Variants in PCSK2 observed in about 807,000 individuals in gnomAD.
PCSK2 encodes neuroendocrine convertase 2.
In PCSK2, 14 loss-of-function variants were observed where a neutral mutation model predicts 69.7. The observed-to-expected ratio is 0.20, with a 90% CI of 0.13 to 0.31. The LOEUF is 0.31. Ranked by LOEUF, PCSK2 falls within the 10% of genes least tolerant of loss-of-function variation. The pLI is 1.00. For missense variants in PCSK2, 544 were observed against 842.5 expected, an observed-to-expected ratio of 0.65 and a Z score of 4.39; for synonymous variants, 307 against 320.7, an observed-to-expected ratio of 0.96 and a Z score of 0.46.
rs747404201 is a variant in PCSK2, at chr20:17,227,385, G to C, written c.80G>C (p.Arg27Pro). ...GTCATGGTTTTTGCATCTGCTGAGC[G>C]ACCGGTCTTCACGAATCATTTTCTT... ...FCVMVFASAE[R>P]PVFTNHFLVE... Residue 27 changes from arginine to proline, a missense_variant, in exon 1 of 12, where the codon CGA (arginine) becomes CCA (proline). By Grantham distance (103) the Arg-to-Pro change is moderately radical (BLOSUM62 -2). This residue lies in a region of PCSK2 where 157 missense variants were observed against 155.0 expected (regional missense o/e 1.01). Transcript: ENST00000262545. 3.3e-5 allele frequency: 53 copies of C among 1,613,754 alleles called. No homozygotes were observed. The Admixed American group carries it at 8.7e-4, about 26-fold the overall frequency.
At chr20:17,429,559 G>T in intron 7 of PCSK2, 36 bp downstream of exon 7, 1 of 1,348,642 alleles carries the variant, frequency 7.4e-7, no homozygotes, top group Non-Finnish European at 1.1e-6. Context: ...CCCCCACTAG[G>T]TATCACACTG....
intron 2 of PCSK2, among the ~76,000 whole-genome samples, chr20:17,347,239 C>T (rs967867540): frequency 2.0e-5 from 3 of 152,180 alleles, no homozygotes; most frequent in Non-Finnish European, 4.4e-5. Context: ...ATATCTCCTG[C>T]TCAAGGAAGC....
intron 10 of PCSK2, among the ~76,000 whole-genome samples, chr20:17,458,575 G>GAT (rs1321243555): frequency 6.6e-6 from 1 of 152,172 alleles, no homozygotes; most frequent in Non-Finnish European, 1.5e-5. Context: ...GAGGGATGAG[G>GAT]AATAGGGCCT....
At chr20:17,411,488 T>A (rs2123306973) in intron 6 of PCSK2, among the ~76,000 whole-genome samples, 1 of 151,456 alleles carries the variant, frequency 6.6e-6, no homozygotes. Context: ...GGCTGAGACT[T>A]GAGTAGGTAA....
intron 1 of PCSK2, among the ~76,000 whole-genome samples, chr20:17,238,731 T>C (rs546358407): frequency 6.6e-6 from 1 of 152,248 alleles, no homozygotes; most frequent in African/African-American, 2.4e-5. Context: ...TTTTGGTTTG[T>C]TTTTTTACCA....
At chr20:17,358,528 T>C in intron 3 of PCSK2, 88 bp downstream of exon 3, 1 of 763,588 alleles carries the variant, frequency 1.3e-6, no homozygotes. Context: ...TTCACTAGGA[T>C]GTTAGCCAGT....
At chr20:17,253,981 C>T (rs1987086667) in intron 1 of PCSK2, among the ~76,000 whole-genome samples, 1 of 152,158 alleles carries the variant, frequency 6.6e-6, no homozygotes, top group Non-Finnish European at 1.5e-5. Context: ...TGTTGAACAT[C>T]TTTCTGTATG....
intron 1 of PCSK2, among the ~76,000 whole-genome samples, chr20:17,259,505 A>T (rs1987298927): frequency 1.3e-5 from 2 of 152,074 alleles, no homozygotes; most frequent in Admixed American, 6.6e-5. Flanking sequence ...AGGCCTCCAA[A>T]CTCCCAGGTC....
chr20:17,308,299 G>C (rs1338376522), intron 2 of PCSK2, among the ~76,000 whole-genome samples: 1 of 152,162 alleles, frequency 6.6e-6, no homozygotes, highest in East Asian at 1.9e-4. Flanking sequence ...ATGAGATTTT[G>C]GTGGCGAAAC....
chr20:17,444,676 T>C (rs1259348151), intron 8 of PCSK2, among the ~76,000 whole-genome samples: 1 of 152,140 alleles, frequency 6.6e-6, no homozygotes, highest in Non-Finnish European at 1.5e-5. Context: ...AGAATACCAG[T>C]GATGAATGGG....
intron 2 of PCSK2, among the ~76,000 whole-genome samples, chr20:17,307,981 A>C (rs1989379691): frequency 1.3e-5 from 2 of 152,210 alleles, no homozygotes; most frequent in Non-Finnish European, 1.5e-5. Context: ...GAGAGCAGGC[A>C]TCTTCCATGG....
chr20:17,239,533 C>G lies in PCSK2; in HGVS notation c.177+12051C>G, dbSNP rs567196448. ...ATTAACCCAAATTTGGACCCAGCAG[C>G]CGAAGCCAGAAACAAACCATTCTGG... On this transcript the variant is annotated intron_variant, in intron 1 of 11. Coordinates refer to ENST00000262545, the MANE Select transcript of PCSK2 (RefSeq NM_002594.5). Among the ~76,000 whole-genome samples, 4 of 152,142 alleles carry G rather than the reference C, an allele frequency of 2.6e-5. No individual in the cohort carries two copies. In the South Asian group the frequency reaches 8.3e-4, roughly 32 times the overall value.
chr20:17,453,910 G>A lies in PCSK2; in HGVS notation c.1054G>A (p.Ala352Thr). 1 of 1,614,202 alleles carries A rather than the reference G, an allele frequency of 6.2e-7. No homozygotes were observed. The highest frequency in any genetic ancestry group is 8.5e-7 in the Non-Finnish European group (1 of 1,180,014). The change falls in exon 9 of 12, where the codon GCT (alanine) becomes ACT (threonine). Residue 352 changes from alanine to threonine, a missense_variant. Ala to Thr is a moderately conservative substitution (Grantham distance 58, BLOSUM62 0). Coordinates refer to ENST00000262545, the MANE Select transcript of PCSK2 (RefSeq NM_002594.5). The surrounding 1 kb of genome is among the most constrained non-coding windows in gnomAD (Gnocchi z 4.0). ...CGACGAGAGCTGCTCTTCCACCTTG[G>A]CTTCCACCTTCAGCAACGGGAGGAA... is the stretch of plus-strand genomic sequence containing the variant. ...LYDESCSSTL[A>T]STFSNGRKRN... is the part of the protein sequence containing the mutation.
chr20:17,322,806 G>A (rs1302552789), intron 2 of PCSK2, among the ~76,000 whole-genome samples: 2 of 152,198 alleles, frequency 1.3e-5, no homozygotes, highest in Non-Finnish European at 2.9e-5. Context: ...TTTATTCATG[G>A]AAGTGGCACC....
chr20:17,317,589 T>C (rs775211360), intron 2 of PCSK2, among the ~76,000 whole-genome samples: 1 of 152,174 alleles, frequency 6.6e-6, no homozygotes, highest in Non-Finnish European at 1.5e-5. Context: ...TGCCATCTGT[T>C]CCTCTCCACC....
chr20:17,451,659 C>A (rs1191880502), intron 8 of PCSK2, among the ~76,000 whole-genome samples: 1 of 152,114 alleles, frequency 6.6e-6, no homozygotes, highest in Admixed American at 6.5e-5. Context: ...GGAAATAGAC[C>A]ACTCTTCTTG....
At chr20:17,291,093 A>T (rs559741404) in intron 2 of PCSK2, among the ~76,000 whole-genome samples, 1 of 152,172 alleles carries the variant, frequency 6.6e-6, no homozygotes, top group Admixed American at 6.5e-5. Flanking sequence ...AACCATAGCA[A>T]TAATATATTC....
intron 1 of PCSK2, among the ~76,000 whole-genome samples, chr20:17,233,242 T>A (rs1412171255): frequency 1.3e-5 from 2 of 152,084 alleles, no homozygotes; most frequent in African/African-American, 4.8e-5. Flanking sequence ...CTTCTGAAAA[T>A]GGTTAATAAA....
chr20:17,232,654 A>C (rs909552674), intron 1 of PCSK2, among the ~76,000 whole-genome samples: 2 of 152,208 alleles, frequency 1.3e-5, no homozygotes, highest in African/African-American at 4.8e-5. Context: ...TGTCACAACA[A>C]TGTTCAATCC....
Sources: gnomAD v4.1 joint callset for allele counts (sites outside exome capture counted in the v4.1 genomes callset) on GRCh38, gnomAD v4.1.1 for gene constraint, gnomAD v4.1.1 regional missense constraint, Gnocchi (gnomAD v3.1) non-coding constraint, MANE v1.5 for transcripts, NCBI Gene and HGNC (gene_info 2026-07-23, HGNC 2026-07-21) for gene names.